RRH: variants seen among roughly 807,000 people sequenced by gnomAD.
RRH encodes visual pigment-like receptor peropsin.
RRH carries 36 observed loss-of-function variants against 33.1 expected under a neutral mutation model. The ratio of observed to expected loss-of-function variants is 1.09; its 90% CI spans 0.83 to 1.44. The LOEUF (loss-of-function observed/expected upper bound fraction) is 1.44. Ranked by LOEUF, RRH falls within the 40% of genes most tolerant of loss-of-function variation. The pLI is 0.00. For missense variants in RRH, 393 were observed against 420.2 expected (o/e 0.94, Z 0.57); for synonymous variants, 124 against 140.2 (o/e 0.88, Z 0.82).
intron 1 of RRH, among the ~76,000 whole-genome samples, chr4:109,829,549 T>C (rs931562071): frequency 2.6e-5 from 4 of 152,132 alleles, no homozygotes; most frequent in African/African-American, 9.7e-5. Flanking sequence ...TTACTACTAC[T>C]GCTACTAATG....
rs550362091 is a variant in RRH, at chr4:109,835,325, G to A, written c.298-41G>A. The A allele has an allele frequency of 1.9e-5, 24 of 1,294,828 alleles. No homozygotes were observed. In the African/African-American group the frequency reaches 3.2e-4, roughly 17 times the overall value. The allele number at this position is 1,294,828 out of a possible 1,614,324, so 80.2% of individuals were successfully genotyped here. A position where few individuals can be genotyped will look rare whatever the true frequency, so the allele number is the denominator to read the frequency against. ...ACAAAAATTTAATGTTTCTTGGGAG[G>A]GTGTTTAGAATGGTAGAGTCTTTTC... On this transcript the variant is annotated intron_variant, in intron 2 of 6. Transcript: ENST00000317735.
chr4:109,835,893 C>A, intron 3 of RRH, 114 bp from the exon 4 acceptor site: 1 of 1,319,102 alleles, frequency 7.6e-7, no homozygotes, highest in Non-Finnish European at 1.1e-6. Context: ...CTCCTAAGGC[C>A]AATCAAAGTG....
In RRH at chr4:109,844,478, G is replaced by T. The variant is rs10024160; in HGVS notation, c.*281G>T. 0.01 allele frequency: 2,779 copies of T among 264,966 alleles called. 64 individuals are homozygous for T. The highest frequency in any genetic ancestry group is 0.055 in the African/African-American group (2,491 of 45,044). The allele number at this position is 264,966 out of a possible 1,614,324, so 16.4% of individuals were successfully genotyped here. On this transcript the variant is annotated 3_prime_UTR_variant, in exon 7 of 7. Coordinates refer to ENST00000317735, the MANE Select transcript of RRH (RefSeq NM_006583.5). ...TCCCTATTATGGCATGCATTACACT[G>T]TACTGATGACCTTTAACTTGCCTGG...
chr4:109,832,292 G>A (rs1201134504), intron 1 of RRH, among the ~76,000 whole-genome samples: 2 of 149,626 alleles, frequency 1.3e-5, no homozygotes, highest in Non-Finnish European at 3.0e-5. Flanking sequence ...TAAAACAGTG[G>A]CATTCTGGTT....
At position 109,828,075 on chromosome 4, in the gene RRH, T is replaced by C; in HGVS notation, c.48T>C (p.Asp16=). 6.2e-7 allele frequency: 1 copy of C among 1,612,990 alleles called. No homozygotes were observed. The part of the protein sequence containing the change: ...LGNSSDSKNE[D]GSVFSQTEHN... The stretch of plus-strand genomic sequence containing the variant: ...ACAGTTCAGACTCTAAAAATGAAGA[T>C]GGCTCGGTCTTTTCACAGACTGAAC... The change falls in exon 1 of 7, where the codon GAT becomes GAC. Residue 16 remains aspartate, a synonymous_variant. Transcript: ENST00000317735.
intron 1 of RRH, among the ~76,000 whole-genome samples, chr4:109,832,360 G>C (rs1466068896): frequency 6.6e-6 from 1 of 150,922 alleles, no homozygotes; most frequent in African/African-American, 2.4e-5. Flanking sequence ...TGACAACACT[G>C]AGGTTCTGGA....
rs112741269 is a variant in RRH, at chr4:109,837,470, G to C, written c.585G>C (p.Ala195=). The C allele has an allele frequency of 6.2e-7, 1 of 1,613,832 alleles. No homozygotes were observed. The highest frequency in any genetic ancestry group is 1.3e-5 in the African/African-American group (1 of 74,884). Residue 195 remains alanine, a synonymous_variant, in exon 5 of 7, where the codon GCG becomes GCC. Transcript: ENST00000317735. ...TGTCTTACACCATGACAGTTATTGC[G>C]ATAAATTTTATTGTGCCCTTGACAG... is the stretch of plus-strand genomic sequence containing the variant. The part of the protein sequence containing the change: ...SFVSYTMTVI[A]INFIVPLTVM...
intron 5 of RRH, among the ~76,000 whole-genome samples, chr4:109,840,034 G>C (rs1036719523): frequency 6.6e-6 from 1 of 152,148 alleles, no homozygotes; most frequent in African/African-American, 2.4e-5. Flanking sequence ...GGTCTTTGAG[G>C]AATTGCCACA....
intron 2 of RRH, among the ~76,000 whole-genome samples, chr4:109,834,198 T>G (rs1236226487): frequency 1.3e-5 from 2 of 152,234 alleles, no homozygotes; most frequent in Admixed American, 1.3e-4. Context: ...TTATCCATGT[T>G]GATGGATATG....
chr4:109,837,559 C>A lies in RRH; in HGVS notation c.674C>A (p.Thr225Asn). 3 of 1,613,904 alleles carry A rather than the reference C, an allele frequency of 1.9e-6. No homozygotes were observed. Among genetic ancestry groups the A allele is most frequent in the Non-Finnish European group, 2.5e-6 (3 of 1,179,788 alleles). The part of the protein sequence containing the change: ...SIKHHTTSDC[T>N]ESLNRDWSDQ... ...AAACATCACACTACCAGTGACTGCA[C>A]TGAGTCCCTCAACAGAGACTGGTCA... The change falls in exon 5 of 7, where the codon ACT becomes AAT. Residue 225 changes from threonine (T) to asparagine (N), a missense_variant. Physicochemically the swap from Thr to Asn is moderately conservative, Grantham distance 65 (BLOSUM62 0). Coordinates refer to ENST00000317735, the MANE Select transcript of RRH (RefSeq NM_006583.5).
chr4:109,834,524 T>TA lies in RRH; in HGVS notation c.298-841dup, dbSNP rs1553921331. ...TTTTTTTTTGTATTTTTTTTTTTTT[T>TA]AGTAATGACGGAGTTTCATCGTGTT... On this transcript the variant is annotated intron_variant, in intron 2 of 6. Transcript: ENST00000317735. 3.5e-3 allele frequency among the ~76,000 whole-genome samples: 519 copies of TA among 149,508 alleles called. 1 individual carries two copies. Among genetic ancestry groups the TA allele is most frequent in the Middle Eastern group, 0.01 (3 of 288 alleles).
chr4:109,838,426 A>T (rs1733928715), intron 5 of RRH, among the ~76,000 whole-genome samples: 1 of 152,002 alleles, frequency 6.6e-6, no homozygotes, highest in African/African-American at 2.4e-5. Flanking sequence ...CAACATCCTC[A>T]GGCCTCCCTT....
At chr4:109,840,517 G>A (rs1483593091) in intron 5 of RRH, among the ~76,000 whole-genome samples, 4 of 151,898 alleles carry the variant, frequency 2.6e-5, no homozygotes, top group East Asian at 3.9e-4. Flanking sequence ...ATTGCTTTTG[G>A]CATCTTCATC....
rs9990841 is a variant in RRH, at chr4:109,844,281, T to G, written c.*84T>G. 2.1e-5 allele frequency: 18 copies of G among 846,280 alleles called. No individual in the cohort carries two copies. Among genetic ancestry groups the G allele is most frequent in the African/African-American group, 1.5e-4 (9 of 59,766 alleles). 52.4% of individuals were successfully genotyped at this position (846,280 alleles called of 1,614,324 possible). The stretch of plus-strand genomic sequence containing the variant: ...TAAATATGAGCCCATTTAGATCAAG[T>G]GCAGACATGGATCATTGTCCTATGA... On this transcript the variant is annotated 3_prime_UTR_variant, in exon 7 of 7. Coordinates refer to ENST00000317735, the MANE Select transcript of RRH (RefSeq NM_006583.5).
chr4:109,835,384 A>T lies in RRH; in HGVS notation c.316A>T (p.Ile106Phe). The T allele has an allele frequency of 6.2e-7, 1 of 1,610,748 alleles. No homozygotes were observed. The highest frequency in any genetic ancestry group is 1.3e-5 in the African/African-American group (1 of 74,880). ...AGCQVYAGLN[I>F]FFGMASIGLL... ...TTTTCAGGTTTATGCTGGATTGAAT[A>T]TTTTTTTTGGAATGGCAAGCATTGG... Residue 106 changes from isoleucine to phenylalanine, a missense_variant, in exon 3 of 7, where the codon ATT becomes TTT. By Grantham distance (21) the Ile-to-Phe change is conservative. Coordinates refer to ENST00000317735, the MANE Select transcript of RRH (RefSeq NM_006583.5).
rs9990841 is a variant in RRH, at chr4:109,844,281, T to C, written c.*84T>C. The C allele has an allele frequency of 0.016, 13,406 of 846,328 alleles. 796 individuals are homozygous for C. Among genetic ancestry groups the C allele is most frequent in the African/African-American group, 0.16 (9,410 of 59,852 alleles). 52.4% of individuals were successfully genotyped at this position (846,328 alleles called of 1,614,324 possible). Reference sequence around the variant, plus strand: ...TAAATATGAGCCCATTTAGATCAAGTGCAGACATGGATCATTGTCCTATGA... The same window carrying C: ...TAAATATGAGCCCATTTAGATCAAGCGCAGACATGGATCATTGTCCTATGA... On this transcript the variant is annotated 3_prime_UTR_variant, in exon 7 of 7. Transcript: ENST00000317735.
At chr4:109,837,390 C>T (rs745833423) in intron 4 of RRH, 47 bp from the exon 5 acceptor site, 1 of 1,503,154 alleles carries the variant, frequency 6.7e-7, no homozygotes, top group East Asian at 2.3e-5. Context: ...CCTTCCCCCA[C>T]TTAGGACATT....
At chr4:109,831,604 G>T (rs1052426646) in intron 1 of RRH, among the ~76,000 whole-genome samples, 14 of 152,126 alleles carry the variant, frequency 9.2e-5, no homozygotes, top group Admixed American at 3.9e-4. Context: ...TTGAAGGATG[G>T]ATGGCATTTG....
chr4:109,835,510 T>A, intron 3 of RRH, 45 bp downstream of exon 3: 1 of 1,271,438 alleles, frequency 7.9e-7, no homozygotes, highest in Non-Finnish European at 1.2e-6. Flanking sequence ...ATTTCTTGAC[T>A]AATGGCCACT....
Sources: gnomAD v4.1 joint callset for allele counts (sites outside exome capture counted in the v4.1 genomes callset) on GRCh38, gnomAD v4.1.1 for gene constraint, MANE v1.5 for transcripts, NCBI Gene and HGNC (gene_info 2026-07-23, HGNC 2026-07-21) for gene names.